The following KAT6A variants were observed in gnomAD, a reference collection of about 807,000 sequenced individuals.
KAT6A encodes lysine acetyltransferase 6A, also known as histone acetyltransferase KAT6A.
KAT6A carries 9 observed loss-of-function variants against 198.4 expected under a neutral mutation model. The observed-to-expected ratio is 0.05, with a 90% CI of 0.03 to 0.08. KAT6A has a LOEUF of 0.08. KAT6A is among the 10% of genes least tolerant of loss of function. KAT6A has a pLI of 1.00. For missense variants in KAT6A, 2,077 were observed against 2,509.9 expected (o/e 0.83, Z 3.69); for synonymous variants, 890 against 883.0 (o/e 1.01, Z -0.14).
intron 2 of KAT6A, among the ~76,000 whole-genome samples, chr8:42,034,588 C>A (rs778088608): frequency 3.9e-5 from 6 of 152,166 alleles, no homozygotes; most frequent in South Asian, 2.1e-4. Flanking sequence ...AACACTATTT[C>A]TAAGGACTTT....
At chr8:41,986,905 G>C (rs1273819585) in intron 3 of KAT6A, among the ~76,000 whole-genome samples, 2 of 152,092 alleles carry the variant, frequency 1.3e-5, no homozygotes, top group Non-Finnish European at 2.9e-5. Context: ...AGGTGTGGTG[G>C]CAGGCACCTG....
At chr8:41,985,559 G>A (rs986140070) in intron 3 of KAT6A, among the ~76,000 whole-genome samples, 3 of 152,166 alleles carry the variant, frequency 2.0e-5, no homozygotes, top group African/African-American at 7.2e-5. Flanking sequence ...GGTATCTAGA[G>A]CTATTGTAAT....
Position 41,974,698 on chromosome 8 carries a change from C to T in KAT6A, c.1482+6G>A, listed in dbSNP as rs372494190. On this transcript the variant is annotated splice_donor_region_variant and intron_variant, in intron 8 of 16. Transcript: ENST00000265713. ...TTGATTGTCTAACCTGAATATCCAA[C>T]TTTACCTGCAGTGCTTGTTCTTGGA... 73 of 1,556,828 alleles carry T rather than the reference C, an allele frequency of 4.7e-5. No homozygotes were observed. In the African/African-American group the frequency reaches 8.0e-4, roughly 17 times the overall value.
chr8:41,977,248 C>T lies in KAT6A; in HGVS notation c.1123G>A (p.Ala375Thr). The stretch of plus-strand genomic sequence containing the variant: ...TATCCTTCTTCTGATGATGATGATG[C>T]TGATTGGCTGGAAAGAGTGATTTTT... ...KRKITLSSQS[A>T]SSSSEEGYLE... The change falls in exon 7 of 17, where the codon GCA becomes ACA. Residue 375 changes from alanine (A) to threonine (T), a missense_variant. This residue lies in a region of KAT6A where 206 missense variants were observed against 214.9 expected (regional missense o/e 0.96). Coordinates refer to ENST00000265713, the MANE Select transcript of KAT6A (RefSeq NM_006766.5). 6.2e-7 allele frequency: 1 copy of T among 1,614,152 alleles called. No homozygotes were observed.
rs760746947 is a variant in KAT6A at position 41,934,453 on chromosome 8, T to A, written c.3767A>T (p.Asp1256Val). ...TTCGGTCTCAGGACTATTGCTGCTG[T>A]CTGCTGGAGAGGCTGCTGGGACTTC... ...SSEVPAASPA[D>V]SSNSPETETK... is the part of the protein sequence containing the mutation. Residue 1256 changes from aspartate (D) to valine (V), a missense_variant, in exon 17 of 17, where the codon GAC (aspartate) becomes GTC (valine). Transcript: ENST00000265713. The A allele has an allele frequency of 1.5e-5, 24 of 1,607,968 alleles. No individual in the cohort carries two copies. Among genetic ancestry groups the A allele is most frequent in the Non-Finnish European group, 1.8e-5 (21 of 1,176,878 alleles).
At chr8:41,947,058 C>CA (rs1282478613) in intron 11 of KAT6A, among the ~76,000 whole-genome samples, 1 of 152,226 alleles carries the variant, frequency 6.6e-6, no homozygotes, top group South Asian at 2.1e-4. Context: ...TTAATTATGT[C>CA]AGAGTTTTCT....
Position 41,994,579 on chromosome 8 carries a change from A to G in KAT6A, c.601-7016T>C, listed in dbSNP as rs551763450. Among the ~76,000 whole-genome samples, 7 of 152,050 alleles carry G rather than the reference A, an allele frequency of 4.6e-5. No homozygotes were observed. In the South Asian group the frequency reaches 1.5e-3, roughly 32 times the overall value. ...GCTTTTTTTGAACACCCCATCTAGC[A>G]TTTCAAAGCAACCCACCAACCCCAA... is the stretch of plus-strand genomic sequence containing the variant. On this transcript the variant is annotated intron_variant, in intron 2 of 16. Transcript: ENST00000265713.
chr8:42,010,334 TCAGA>T (rs1233240368), intron 2 of KAT6A, among the ~76,000 whole-genome samples: 1 of 152,156 alleles, frequency 6.6e-6, no homozygotes, highest in Non-Finnish European at 1.5e-5. Flanking sequence ...AGACTGCAGA[TCAGA>T]CACTCTATGT....
At chr8:42,010,268 G>A (rs375563202) in intron 2 of KAT6A, among the ~76,000 whole-genome samples, 6 of 152,114 alleles carry the variant, frequency 3.9e-5, no homozygotes, top group African/African-American at 1.4e-4. Flanking sequence ...TCGCACCACT[G>A]CACTCCAGCC....
intron 2 of KAT6A, among the ~76,000 whole-genome samples, chr8:42,033,357 A>T (rs1403546350): frequency 6.6e-6 from 1 of 152,186 alleles, no homozygotes; most frequent in Non-Finnish European, 1.5e-5. Flanking sequence ...CCATCTACTC[A>T]AAGTGTGATA....
chr8:41,981,787 G>T, intron 4 of KAT6A, 52 bp downstream of exon 4: 1 of 1,099,314 alleles, frequency 9.1e-7, no homozygotes. Context: ...AATGCTGGTC[G>T]TACATTCTAC....
intron 16 of KAT6A, among the ~76,000 whole-genome samples, chr8:41,937,014 T>C (rs1157961564): frequency 6.6e-6 from 1 of 152,210 alleles, no homozygotes; most frequent in Admixed American, 6.5e-5. Context: ...AAAAGAACAG[T>C]TGCCTAATAG....
chr8:41,941,297 G>T lies in KAT6A; in HGVS notation c.2584C>A (p.Pro862Thr). 6.2e-7 allele frequency: 1 copy of T among 1,613,970 alleles called. No homozygotes were observed. The highest frequency in any genetic ancestry group is 1.3e-5 in the African/African-American group (1 of 74,990). Residue 862 changes from proline (P) to threonine (T), a missense_variant, in exon 15 of 17, where the codon CCA becomes ACA. This residue lies in a region of KAT6A where 301 missense variants were observed against 272.2 expected (regional missense o/e 1.11). Transcript: ENST00000265713. ...CTCCCCCAGCGGCCCCTCCGAGATG[G>T]CTGGCTATTTGCAGGAAGACTATCA... ...PHDSLPANSQPSRRGRWGRKN... is the reference protein window; with the variant it reads ...PHDSLPANSQTSRRGRWGRKN...
At chr8:41,996,214 A>G (rs1280523632) in intron 2 of KAT6A, among the ~76,000 whole-genome samples, 2 of 152,206 alleles carry the variant, frequency 1.3e-5, no homozygotes, top group East Asian at 3.8e-4. Context: ...ATGGAAAAAA[A>G]CTGCACTTGT....
chr8:41,936,134 C>T (rs1016213511), intron 16 of KAT6A, among the ~76,000 whole-genome samples: 3 of 152,108 alleles, frequency 2.0e-5, no homozygotes, highest in African/African-American at 7.2e-5. Flanking sequence ...TGGTGGCGTG[C>T]ACCTATAATC....
chr8:41,956,951 C>T (rs1401125778), intron 8 of KAT6A: 1 of 454,856 alleles, frequency 2.2e-6, no homozygotes, highest in African/African-American at 2.0e-5. Flanking sequence ...GTAATAACAA[C>T]AGTATAGGAA....
chr8:41,977,047 T>G lies in KAT6A; in HGVS notation c.1324A>C (p.Arg442=). The change falls in exon 7 of 17, where the codon AGG becomes CGG. Residue 442 remains arginine, a synonymous_variant. Coordinates refer to ENST00000265713, the MANE Select transcript of KAT6A (RefSeq NM_006766.5). Reference sequence around the variant, plus strand: ...GAAGTGCTTGATTTCCTGTTGCCCCTCTTTCTGATTCGATATTGCTCAGAG... The same window carrying G: ...GAAGTGCTTGATTTCCTGTTGCCCCGCTTTCTGATTCGATATTGCTCAGAG... The part of the protein sequence containing the change: ...DYSEQYRIRK[R]GNRKSSTSDW... 1 of 1,612,330 alleles carries G rather than the reference T, an allele frequency of 6.2e-7. No individual in the cohort carries two copies. Among genetic ancestry groups the G allele is most frequent in the South Asian group, 1.1e-5 (1 of 91,002 alleles).
At chr8:42,001,039 G>A (rs919913563) in intron 2 of KAT6A, among the ~76,000 whole-genome samples, 2 of 152,124 alleles carry the variant, frequency 1.3e-5, no homozygotes, top group African/African-American at 4.8e-5. Context: ...GGAGGAAGGA[G>A]GCTTTACAGG....
intron 2 of KAT6A, among the ~76,000 whole-genome samples, chr8:42,039,786 T>G (rs543401474): frequency 6.6e-6 from 1 of 152,066 alleles, no homozygotes; most frequent in Non-Finnish European, 1.5e-5. Flanking sequence ...CAGGCTGGAG[T>G]GCAGTAGCGC....
Sources: gnomAD v4.1 joint callset for allele counts (sites outside exome capture counted in the v4.1 genomes callset) on GRCh38, gnomAD v4.1.1 for gene constraint, gnomAD v4.1.1 regional missense constraint, MANE v1.5 for transcripts, NCBI Gene and HGNC (gene_info 2026-07-23, HGNC 2026-07-21) for gene names.